CIITA: variants seen among roughly 807,000 people sequenced by gnomAD.
CIITA encodes class II major histocompatibility complex transactivator, also known as MHC class II transactivator.
CIITA carries 72 observed loss-of-function variants against 115.1 expected under a neutral mutation model. The observed-to-expected ratio is 0.63, with a 90% CI of 0.52 to 0.76. The LOEUF (loss-of-function observed/expected upper bound fraction) is 0.76. Among genes scored for constraint, CIITA ranks in the 30% least tolerant of loss-of-function variants. The pLI is 0.00. For missense variants in CIITA, 1,617 were observed against 1,463.8 expected (o/e 1.10, Z -1.71); for synonymous variants, 763 against 635.6 (o/e 1.20, Z -3.02).
rs996712574 is a variant in CIITA, at chr16:10,935,710, C to G, written c.*11855C>G. 1.3e-5 allele frequency: 2 copies of G among 152,194 alleles called. No individual in the cohort carries two copies. Among genetic ancestry groups the G allele is most frequent in the African/African-American group, 4.8e-5 (2 of 41,432 alleles). The allele number at this position is 152,194 out of a possible 1,614,324, so 9.4% of individuals were successfully genotyped here. On this transcript the variant is annotated 3_prime_UTR_variant, in exon 20 of 20. Transcript: ENST00000324288. ...ATGGCATGTGCCTCTCGATAAGATGCACTGAAGACACACACTCACTTCTGC... is the reference window on the plus strand; with the variant it reads ...ATGGCATGTGCCTCTCGATAAGATGGACTGAAGACACACACTCACTTCTGC...
chr16:10,907,775 G>A lies in CIITA; in HGVS notation c.2283G>A (p.Leu761=). ...LEGVPRFLAG[L]IFQPPARCLG... ...GCGTGCCACGCTTTCTGGCTGGGCT[G>A]ATCTTCCAGCCTCCCGCCCGCTGCC... is the stretch of plus-strand genomic sequence containing the variant. Residue 761 remains leucine (L), a synonymous_variant, in exon 11 of 20, where the codon CTG becomes CTA. Coordinates refer to ENST00000324288, the MANE Select transcript of CIITA (RefSeq NM_000246.4). This position sits in a 1 kb window ranked among gnomAD's most constrained non-coding sequence, Gnocchi z 5.0. 1 of 1,614,230 alleles carries A rather than the reference G, an allele frequency of 6.2e-7. No homozygotes were observed. The highest frequency in any genetic ancestry group is 2.2e-5 in the East Asian group (1 of 44,886).
At chr16:10,937,818 ACT>A (rs2041050080), downstream of CIITA, 1 of 151,636 alleles carries the variant, frequency 6.6e-6, no homozygotes, top group Non-Finnish European at 1.5e-5. This position sits in a 1 kb window ranked among gnomAD's most constrained non-coding sequence, Gnocchi z 4.2. Context: ...AACAATTAAC[ACT>A]CTAGGAAAAC....
intron 1 of CIITA, among the ~76,000 whole-genome samples, chr16:10,880,158 A>G (rs2143596448): frequency 6.6e-6 from 1 of 152,328 alleles, no homozygotes; most frequent in East Asian, 1.9e-4. Flanking sequence ...CTGGTCTCCA[A>G]CAATCTCAGA....
intron 16 of CIITA, 133 bp from the exon 17 acceptor site, chr16:10,922,034 G>A (rs779701993): frequency 3.7e-6 from 3 of 805,314 alleles, no homozygotes; most frequent in East Asian, 2.4e-5. Flanking sequence ...AGGCTCTGTT[G>A]TGCAATAAAT....
chr16:10,907,854 G>T lies in CIITA; in HGVS notation c.2362G>T (p.Val788Leu), dbSNP rs1266318994. ...TGCCTCGGTGGACAGGAAGCAGAAG[G>T]TGCTTGCGAGGTACCTGAAGCGGCT... ...AAASVDRKQK[V>L]LARYLKRLQP... is the part of the protein sequence containing the mutation. The change falls in exon 11 of 20, where the codon GTG (valine) becomes TTG (leucine). Residue 788 changes from valine (V) to leucine (L), a missense_variant. Coordinates refer to ENST00000324288, the MANE Select transcript of CIITA (RefSeq NM_000246.4). The surrounding 1 kb of genome is among the most constrained non-coding windows in gnomAD (Gnocchi z 5.0). The T allele has an allele frequency of 6.2e-7, 1 of 1,611,758 alleles. No homozygotes were observed. The highest frequency in any genetic ancestry group is 1.3e-5 in the African/African-American group (1 of 74,818).
chr16:10,895,934 G>C (rs529628805), intron 3 of CIITA, among the ~76,000 whole-genome samples, 170 bp downstream of exon 3: 1 of 152,018 alleles, frequency 6.6e-6, no homozygotes, highest in Non-Finnish European at 1.5e-5. Context: ...GGGAAGAGAG[G>C]GGAGATGGAG....
chr16:10,911,189 C>T (rs1433403687), intron 13 of CIITA, among the ~76,000 whole-genome samples: 2 of 119,002 alleles, frequency 1.7e-5, no homozygotes, highest in Non-Finnish European at 3.8e-5. Flanking sequence ...CAGAATATAG[C>T]TTTTCTTTCT....
chr16:10,892,240 C>T (rs892543026), intron 1 of CIITA, among the ~76,000 whole-genome samples: 1 of 151,952 alleles, frequency 6.6e-6, no homozygotes, highest in African/African-American at 2.4e-5. Context: ...AGGAGAATTG[C>T]TTGAATCCGG....
chr16:10,906,357 C>T, intron 10 of CIITA, 142 bp from the exon 11 acceptor site: 1 of 1,089,928 alleles, frequency 9.2e-7, no homozygotes, highest in Non-Finnish European at 1.3e-6. Context: ...CAGACCCTGT[C>T]TCAAAACAAA....
Position 10,901,422 on chromosome 16 carries a change from A to C in CIITA, c.437-92A>C. On this transcript the variant is annotated intron_variant, in intron 5 of 19. Transcript: ENST00000324288. This position sits in a 1 kb window ranked among gnomAD's most constrained non-coding sequence, Gnocchi z 6.8. ...CCCCAAGACCACTACCCAGCCTTGA[A>C]GTTAAGGCCGTATAGCCTGCTAGAG... The C allele has an allele frequency of 7.3e-7, 1 of 1,378,366 alleles. No homozygotes were observed. The highest frequency in any genetic ancestry group is 1.2e-5 in the South Asian group (1 of 84,766). 85.4% of individuals were successfully genotyped at this position (1,378,366 alleles called of 1,614,324 possible).
chr16:10,918,129 A>C (rs1270416500), intron 15 of CIITA, among the ~76,000 whole-genome samples: 1 of 152,246 alleles, frequency 6.6e-6, no homozygotes, highest in Non-Finnish European at 1.5e-5. Context: ...AAAGGATTAC[A>C]CAGCCATTAA....
rs2228239 is a variant in CIITA at position 10,907,034 on chromosome 16, G to C, written c.1542G>C (p.Thr514=). The C allele has an allele frequency of 3.7e-6, 6 of 1,607,826 alleles. No individual in the cohort carries two copies. The highest frequency in any genetic ancestry group is 5.1e-6 in the Non-Finnish European group (6 of 1,179,924). Residue 514 remains threonine, a synonymous_variant, in exon 11 of 20, where the codon ACG becomes ACC. Transcript: ENST00000324288. This position sits in a 1 kb window ranked among gnomAD's most constrained non-coding sequence, Gnocchi z 5.0. ...CGCAAGATGGCTTCCTGCACAGCAC[G>C]TGCGGACCGGCACCGGCGGAGCCCT... is the stretch of plus-strand genomic sequence containing the variant. ...LEAQDGFLHS[T]CGPAPAEPCS...
At chr16:10,870,985 C>T (rs932731855) in intron 1 of CIITA, among the ~76,000 whole-genome samples, 1 of 152,222 alleles carries the variant, frequency 6.6e-6, no homozygotes, top group Non-Finnish European at 1.5e-5. Context: ...TGCTTGGGTA[C>T]TGTGCATATT....
Position 10,910,259 on chromosome 16 carries a change from C to T in CIITA, c.2888C>T (p.Ala963Val), listed in dbSNP as rs770282723. 5.2e-5 allele frequency: 84 copies of T among 1,613,414 alleles called. No individual in the cohort carries two copies. The highest frequency in any genetic ancestry group is 8.0e-5 in the African/African-American group (6 of 74,902). Residue 963 changes from alanine to valine, a missense_variant and splice_region_variant, in exon 13 of 20, where the codon GCG (alanine) becomes GTG (valine). By Grantham distance (64) the Ala-to-Val change is moderately conservative. Transcript: ENST00000324288. ...CGGGACCTAAAGAAACTGGAGTTTG[C>T]GTAAGCAAAGGGGTGGATTGTCTTG... Reference protein sequence around the residue: ...AVRDLKKLEFALGPVSGPQAF... With the variant: ...AVRDLKKLEFVLGPVSGPQAF...
chr16:10,888,903 G>C (rs1403596075), intron 1 of CIITA, among the ~76,000 whole-genome samples: 1 of 152,218 alleles, frequency 6.6e-6, no homozygotes, highest in Non-Finnish European at 1.5e-5. Flanking sequence ...TCAAATCTCA[G>C]CCCACTAATC....
chr16:10,902,804 G>C lies in CIITA; in HGVS notation c.772+3G>C. 6.2e-7 allele frequency: 1 copy of C among 1,614,112 alleles called. No homozygotes were observed. Among genetic ancestry groups the C allele is most frequent in the Non-Finnish European group, 8.5e-7 (1 of 1,180,024 alleles). On this transcript the variant is annotated splice_donor_region_variant and intron_variant, in intron 8 of 19. Transcript: ENST00000324288. ...CTCCAGTATATTCATCTACCATGGTGAGTGCGGGGCCTGGCTCCCCGACCA... is the reference window on the plus strand; with the variant it reads ...CTCCAGTATATTCATCTACCATGGTCAGTGCGGGGCCTGGCTCCCCGACCA...
chr16:10,914,082 G>A (rs1215340991), intron 13 of CIITA, among the ~76,000 whole-genome samples: 3 of 151,856 alleles, frequency 2.0e-5, no homozygotes, highest in Non-Finnish European at 2.9e-5. Context: ...TTGATTATCT[G>A]TCTATCTTCC....
At chr16:10,870,334 A>G (rs1233617232) in intron 1 of CIITA, among the ~76,000 whole-genome samples, 1 of 152,122 alleles carries the variant, frequency 6.6e-6, no homozygotes, top group African/African-American at 2.4e-5. Context: ...CTTAGGTGCA[A>G]TTGTGCAGAA....
rs573864562 is a variant in CIITA at position 10,942,830 on chromosome 16, G to A, written n.1956G>A. 6.6e-6 allele frequency: 1 copy of A among 152,348 alleles called. No homozygotes were observed. Among genetic ancestry groups the A allele is most frequent in the African/African-American group, 2.4e-5 (1 of 41,582 alleles). The allele number at this position is 152,348 out of a possible 1,614,324, so 9.4% of individuals were successfully genotyped here. On this transcript the variant is annotated non_coding_transcript_exon_variant, in exon 2 of 2. Transcript: ENST00000573379. This position sits in a 1 kb window ranked among gnomAD's most constrained non-coding sequence, Gnocchi z 5.0. Reference sequence around the variant, plus strand: ...TAAAAGGAGGCGGGGTCGGGGAGGGGCGACGGACGGTTGCCCTGGAAATTT... The same window carrying A: ...TAAAAGGAGGCGGGGTCGGGGAGGGACGACGGACGGTTGCCCTGGAAATTT...
Sources: gnomAD v4.1 joint callset for allele counts (sites outside exome capture counted in the v4.1 genomes callset) on GRCh38, gnomAD v4.1.1 for gene constraint, Gnocchi (gnomAD v3.1) non-coding constraint, MANE v1.5 for transcripts, NCBI Gene and HGNC (gene_info 2026-07-23, HGNC 2026-07-21) for gene names.